LPIN1: variants seen among roughly 807,000 people sequenced by gnomAD.
LPIN1 encodes phosphatidate phosphatase LPIN1.
Under a neutral mutation model 107.5 loss-of-function variants are expected in LPIN1, and 71 were observed. That is an observed-to-expected ratio of 0.66 (90% confidence interval 0.55 to 0.80). The LOEUF (loss-of-function observed/expected upper bound fraction) is 0.80. Ranked by LOEUF, LPIN1 falls within the 30% of genes least tolerant of loss-of-function variation. The pLI, the probability that LPIN1 is intolerant of heterozygous loss-of-function variation, is 0.00. For missense variants in LPIN1, 1,043 were observed against 1,160.6 expected, an observed-to-expected ratio of 0.90 and a Z score of 1.47; for synonymous variants, 445 against 452.6, an observed-to-expected ratio of 0.98 and a Z score of 0.21.
intron 1 of LPIN1, among the ~76,000 whole-genome samples, chr2:11,753,563 CCA>C (rs1340753215): frequency 6.6e-6 from 1 of 152,212 alleles, no homozygotes; most frequent in Non-Finnish European, 1.5e-5. Context: ...TAAGTGTGTG[CCA>C]GTTACAGCAG....
chr2:11,711,347 A>G (rs1009811995), intron 1 of LPIN1, among the ~76,000 whole-genome samples: 4 of 152,230 alleles, frequency 2.6e-5, no homozygotes, highest in African/African-American at 9.6e-5. Context: ...TGAGGACTTC[A>G]TTAGCTGCCA....
Position 11,697,745 on chromosome 2 carries a change from C to G in LPIN1, c.82-16011C>G, listed in dbSNP as rs1662659907. Among the ~76,000 whole-genome samples, 4 of 152,186 alleles carry G rather than the reference C, an allele frequency of 2.6e-5. No homozygotes were observed. The highest frequency in any genetic ancestry group is 2.6e-4 in the Admixed American group (4 of 15,276). On this transcript the variant is annotated intron_variant, in intron 1 of 21. Transcript: ENST00000449576. The surrounding 1 kb of genome is among the most constrained non-coding windows in gnomAD (Gnocchi z 4.6). ...TGTTGGCCTTGCTGGTGTGTGAGTG[C>G]TGGCAGAGTCTGGGTACCAAATGCC...
chr2:11,729,872 C>G (rs559124651), intron 1 of LPIN1, among the ~76,000 whole-genome samples: 267 of 130,518 alleles, frequency 2.0e-3, no homozygotes, highest in African/African-American at 8.4e-3. Context: ...GAAAATGCCT[C>G]TGTGTGTGTG....
chr2:11,728,397 T>A (rs1024123282), intron 1 of LPIN1, among the ~76,000 whole-genome samples: 3 of 151,770 alleles, frequency 2.0e-5, no homozygotes, highest in African/African-American at 4.8e-5. Flanking sequence ...TTAAAAAAAA[T>A]TTTTAGACAG....
chr2:11,767,838 C>G lies in LPIN1; in HGVS notation c.268C>G (p.Gln90Glu). 2 of 1,609,628 alleles carry G rather than the reference C, an allele frequency of 1.2e-6. No homozygotes were observed. Among genetic ancestry groups the G allele is most frequent in the Non-Finnish European group, 1.7e-6 (2 of 1,175,952 alleles). ...AGATAATGGAGAAGCATTTTTTGTTCAAGAAACAGATAATGATCAGGTAAG... is the reference window on the plus strand; with the variant it reads ...AGATAATGGAGAAGCATTTTTTGTTGAAGAAACAGATAATGATCAGGTAAG... ...LGDNGEAFFV[Q>E]ETDNDQEVIP... The change falls in exon 3 of 21, where the codon CAA (glutamine) becomes GAA (glutamate). Residue 90 changes from glutamine to glutamate, a missense_variant. Coordinates refer to ENST00000674199, the MANE Select transcript of LPIN1 (RefSeq NM_001349206.2).
chr2:11,709,383 G>C (rs1226866393), intron 1 of LPIN1, among the ~76,000 whole-genome samples: 2 of 152,190 alleles, frequency 1.3e-5, no homozygotes, highest in Non-Finnish European at 2.9e-5. Context: ...CCCAGAGAAG[G>C]GCGGTACCTT....
intron 1 of LPIN1, among the ~76,000 whole-genome samples, chr2:11,694,941 T>C (rs1446326406): frequency 6.6e-6 from 1 of 152,174 alleles, no homozygotes; most frequent in East Asian, 1.9e-4. Context: ...TCAGCATCCA[T>C]GAATCTCGAT....
Position 11,697,270 on chromosome 2 carries a change from G to T in LPIN1, c.82-16486G>T, listed in dbSNP as rs566143703. On this transcript the variant is annotated intron_variant, in intron 1 of 21. Transcript: ENST00000449576. This position sits in a 1 kb window ranked among gnomAD's most constrained non-coding sequence, Gnocchi z 4.6. The stretch of plus-strand genomic sequence containing the variant: ...CCCCCAGCTGCTTCTGGATACAACC[G>T]CACTACCCAGATGCTTCCTGGCCTC... Among the ~76,000 whole-genome samples, 1 of 152,216 alleles carries T rather than the reference G, an allele frequency of 6.6e-6. No homozygotes were observed. The highest frequency in any genetic ancestry group is 2.4e-5 in the African/African-American group (1 of 41,454).
Position 11,788,438 on chromosome 2 carries a change from C to G in LPIN1, c.1695C>G (p.Phe565Leu). Residue 565 changes from phenylalanine (F) to leucine (L), a missense_variant, in exon 12 of 21, where the codon TTC becomes TTG. Physicochemically the swap from Phe to Leu is conservative, Grantham distance 22 (BLOSUM62 0). Transcript: ENST00000674199. ...AAPLLLAMQA[F>L]QKPLPKATVE... Reference sequence around the variant, plus strand: ...CCCTCCTCCTGGCAATGCAGGCCTTCCAGAAACCTTTGCCAAAGGTGAGCT... The same window carrying G: ...CCCTCCTCCTGGCAATGCAGGCCTTGCAGAAACCTTTGCCAAAGGTGAGCT... The G allele has an allele frequency of 6.2e-7, 1 of 1,613,780 alleles. No individual in the cohort carries two copies. Among genetic ancestry groups the G allele is most frequent in the Non-Finnish European group, 8.5e-7 (1 of 1,179,706 alleles).
Position 11,803,175 on chromosome 2 carries a change from G to C in LPIN1, c.2013+142G>C. The C allele has an allele frequency of 8.8e-7, 1 of 1,138,822 alleles. No homozygotes were observed. Among genetic ancestry groups the C allele is most frequent in the South Asian group, 1.3e-5 (1 of 79,446 alleles). The allele number at this position is 1,138,822 out of a possible 1,614,324, so 70.5% of individuals were successfully genotyped here. A position where few individuals can be genotyped will look rare whatever the true frequency, so the allele number is the denominator to read the frequency against. On this transcript the variant is annotated intron_variant, in intron 15 of 20. Transcript: ENST00000674199. The surrounding 1 kb of genome is among the most constrained non-coding windows in gnomAD (Gnocchi z 4.2). ...CCTGCAATCCCTCAACTGGGTACCC[G>C]CTGTTTCCACCCCAACTCCAGCACT...
At chr2:11,806,106 C>T (rs1003968379) in intron 17 of LPIN1, among the ~76,000 whole-genome samples, 1 of 152,232 alleles carries the variant, frequency 6.6e-6, no homozygotes, top group Admixed American at 6.5e-5. Context: ...GAGCAAGTTA[C>T]ATTCACACTT....
At position 11,752,432 on chromosome 2, in the gene LPIN1, C is replaced by CTTTTTTTTTTTTTTTT. The variant is rs1354955148; in HGVS notation, c.-10+5761_-10+5762insTTTTTTTTTTTTTTTT. On this transcript the variant is annotated intron_variant, in intron 1 of 20. Transcript: ENST00000674199. ...TTTTTCTTTTGAGCTGTTCCAAGGC[C>CTTTTTTTTTTTTTTTT]ATTTTTTTTTTTTTTTTGAGACGGA... 8.6e-4 allele frequency among the ~76,000 whole-genome samples: 71 copies of CTTTTTTTTTTTTTTTT among 82,606 alleles called. 5 individuals carry two copies. Among genetic ancestry groups the CTTTTTTTTTTTTTTTT allele is most frequent in the African/African-American group, 5.5e-3 (70 of 12,658 alleles). The allele number at this position is 82,606 out of a possible 152,430, so 54.2% of individuals were successfully genotyped here.
intron 1 of LPIN1, among the ~76,000 whole-genome samples, chr2:11,754,404 G>A (rs976907418): frequency 6.6e-5 from 10 of 152,184 alleles, no homozygotes; most frequent in Admixed American, 2.6e-4. Context: ...TGAATCACTC[G>A]GAGCTGAGCA....
chr2:11,686,522 G>C (rs1662011446), intron 1 of LPIN1, among the ~76,000 whole-genome samples: 1 of 152,208 alleles, frequency 6.6e-6, no homozygotes, highest in Non-Finnish European at 1.5e-5. Flanking sequence ...AGGCCTGTGT[G>C]TATTGGCCCT....
chr2:11,819,434 T>C lies in LPIN1; in HGVS notation c.2403-50T>C, dbSNP rs757014880. The C allele has an allele frequency of 1.5e-5, 18 of 1,199,222 alleles. 1 individual carries two copies. Among genetic ancestry groups the C allele is most frequent in the Admixed American group, 6.7e-5 (4 of 59,344 alleles). The allele number at this position is 1,199,222 out of a possible 1,614,324, so 74.3% of individuals were successfully genotyped here. A position where few individuals can be genotyped will look rare whatever the true frequency, so the allele number is the denominator to read the frequency against. ...TTGTCAGCTAAAAACAGTTTGATGC[T>C]AAAGGAAGCTTAGCCTCTCATGTTA... On this transcript the variant is annotated intron_variant, in intron 18 of 20. Coordinates refer to ENST00000674199, the MANE Select transcript of LPIN1 (RefSeq NM_001349206.2).
At chr2:11,709,018 G>A (rs1663271318) in intron 1 of LPIN1, among the ~76,000 whole-genome samples, 1 of 152,142 alleles carries the variant, frequency 6.6e-6, no homozygotes, top group Non-Finnish European at 1.5e-5. Context: ...CCACACAGAT[G>A]GTAAGTGGTG....
chr2:11,770,959 A>T (rs567864840), intron 3 of LPIN1, among the ~76,000 whole-genome samples: 5 of 148,238 alleles, frequency 3.4e-5, no homozygotes, highest in African/African-American at 1.0e-4. Flanking sequence ...TCTTTCTCTC[A>T]CACCCACCCA....
At chr2:11,700,129 A>G (rs1032110175) in intron 1 of LPIN1, among the ~76,000 whole-genome samples, 24 of 152,238 alleles carry the variant, frequency 1.6e-4, no homozygotes, top group Admixed American at 3.9e-4. Context: ...AGTGAGCCCA[A>G]TGGCCTCTGA....
chr2:11,684,890 C>T (rs538098305), intron 1 of LPIN1, among the ~76,000 whole-genome samples: 33 of 152,100 alleles, frequency 2.2e-4, no homozygotes, highest in African/African-American at 7.2e-4. Flanking sequence ...ATTCACTAGG[C>T]GACACTGTGG....
Sources: gnomAD v4.1 joint callset for allele counts (sites outside exome capture counted in the v4.1 genomes callset) on GRCh38, gnomAD v4.1.1 for gene constraint, Gnocchi (gnomAD v3.1) non-coding constraint, MANE v1.5 for transcripts, NCBI Gene and HGNC (gene_info 2026-07-23, HGNC 2026-07-21) for gene names.